The following HNF4G variants were observed in gnomAD, a reference collection of about 807,000 sequenced individuals.
HNF4G encodes the protein hepatocyte nuclear factor 4-gamma.
A neutral mutation model predicts 50.9 loss-of-function variants in HNF4G; 21 were observed. The observed-to-expected ratio is 0.41, with a 90% confidence interval of 0.29 to 0.59. The LOEUF is 0.59. Ranked by LOEUF, HNF4G falls within the 20% of genes least tolerant of loss-of-function variation. HNF4G has a pLI of 0.26. For missense variants in HNF4G, 527 were observed against 559.4 expected, an observed-to-expected ratio of 0.94 and a Z score of 0.58; for synonymous variants, 198 against 185.6, an observed-to-expected ratio of 1.07 and a Z score of -0.54.
At chr8:75,448,184 C>CA (rs1189134012) in intron 1 of HNF4G, among the ~76,000 whole-genome samples, 27 of 134,514 alleles carry the variant, frequency 2.0e-4, no homozygotes, top group African/African-American at 7.3e-4. Context: ...ATCGCAAGAA[C>CA]AAAAAACCAA....
intron 1 of HNF4G, among the ~76,000 whole-genome samples, chr8:75,439,929 T>A (rs1314676784): frequency 6.6e-6 from 1 of 152,116 alleles, no homozygotes; most frequent in Admixed American, 6.6e-5. Flanking sequence ...TCTATTGTCA[T>A]GAAAGCTCCT....
chr8:75,519,417 G>A (rs753292013), intron 2 of HNF4G, among the ~76,000 whole-genome samples: 2 of 152,132 alleles, frequency 1.3e-5, no homozygotes, highest in Non-Finnish European at 1.5e-5. Context: ...CTTTAAAGCA[G>A]CATCCCACTC....
chr8:75,525,457 C>T (rs7830737), intron 2 of HNF4G, among the ~76,000 whole-genome samples: 33 of 152,144 alleles, frequency 2.2e-4, no homozygotes, highest in East Asian at 9.7e-4. Flanking sequence ...CGTGAGCCAC[C>T]GCAACCGGCC....
At chr8:75,446,903 A>C (rs991401362) in intron 1 of HNF4G, among the ~76,000 whole-genome samples, 4 of 119,874 alleles carry the variant, frequency 3.3e-5, no homozygotes, top group African/African-American at 1.0e-4. Flanking sequence ...GCTACCAATG[A>C]CTTTCTTCAC....
intron 1 of HNF4G, among the ~76,000 whole-genome samples, chr8:75,474,759 G>A (rs766877578): frequency 4.6e-5 from 7 of 151,988 alleles, no homozygotes; most frequent in Middle Eastern, 3.4e-3. Context: ...GTGCAGTGGC[G>A]CGATCTTGGC....
chr8:75,410,596 CAT>C (rs1563495408), intron 1 of HNF4G, among the ~76,000 whole-genome samples: 2 of 152,108 alleles, frequency 1.3e-5, no homozygotes, highest in African/African-American at 2.4e-5. Context: ...AGATTGCAAA[CAT>C]GTGGACCATG....
At chr8:75,409,480 CTTTT>C (rs5892492) in intron 1 of HNF4G, among the ~76,000 whole-genome samples, 1 of 67,346 alleles carries the variant, frequency 1.5e-5, no homozygotes, top group Non-Finnish European at 2.6e-5. Flanking sequence ...GTGCCTTGTT[CTTTT>C]TTTTTTTTTT....
At chr8:75,412,214 G>C (rs531692487) in intron 1 of HNF4G, among the ~76,000 whole-genome samples, 4 of 152,192 alleles carry the variant, frequency 2.6e-5, no homozygotes, top group Admixed American at 2.6e-4. Flanking sequence ...CAGCTAAGCA[G>C]TGTAGAGAAA....
At chr8:75,563,535 C>A (rs1807377611) in intron 9 of HNF4G, among the ~76,000 whole-genome samples, 1 of 151,454 alleles carries the variant, frequency 6.6e-6, no homozygotes, top group Admixed American at 6.6e-5. Flanking sequence ...TCTAATATGT[C>A]TGAATTAGTG....
At chr8:75,449,679 T>C (rs966213308) in intron 1 of HNF4G, among the ~76,000 whole-genome samples, 2 of 151,746 alleles carry the variant, frequency 1.3e-5, no homozygotes, top group Non-Finnish European at 2.9e-5. Context: ...GCTAATTTTT[T>C]TGTATTTTTA....
At chr8:75,537,228 G>A (rs1052488708), upstream of HNF4G, among the ~76,000 whole-genome samples, 1 of 95,072 alleles carries the variant, frequency 1.1e-5, no homozygotes, top group East Asian at 2.4e-4. Context: ...GCATTAAAAG[G>A]CTTTTATTTT....
chr8:75,503,362 T>C (rs1362066554), intron 2 of HNF4G, among the ~76,000 whole-genome samples: 1 of 152,162 alleles, frequency 6.6e-6, no homozygotes, highest in Non-Finnish European at 1.5e-5. Context: ...AACACAGAGA[T>C]GTCACAGATT....
intron 1 of HNF4G, among the ~76,000 whole-genome samples, chr8:75,420,974 G>A (rs561921838): frequency 3.3e-5 from 5 of 152,290 alleles, no homozygotes; most frequent in African/African-American, 1.2e-4. Flanking sequence ...AGCAGTACTG[G>A]ACAATGAAAG....
intron 2 of HNF4G, among the ~76,000 whole-genome samples, chr8:75,519,034 G>A (rs532429704): frequency 1.3e-5 from 2 of 152,170 alleles, no homozygotes; most frequent in East Asian, 1.9e-4. Flanking sequence ...AAAGCTTTTA[G>A]CAATACCCAA....
At chr8:75,482,701 C>T (rs1456943850) in intron 1 of HNF4G, among the ~76,000 whole-genome samples, 4 of 152,070 alleles carry the variant, frequency 2.6e-5, no homozygotes, top group Non-Finnish European at 5.9e-5. Context: ...GGATACTTTC[C>T]TGATCGCCTT....
chr8:75,461,411 C>A (rs11774812), intron 1 of HNF4G, among the ~76,000 whole-genome samples: 10,802 of 152,146 alleles, frequency 0.071, 449 homozygotes, highest in African/African-American at 0.096. Context: ...CTTTTCTGAC[C>A]CTTCTTCCTC....
intron 2 of HNF4G, among the ~76,000 whole-genome samples, chr8:75,507,789 G>A (rs1585906046): frequency 1.3e-5 from 2 of 152,004 alleles, no homozygotes; most frequent in East Asian, 3.9e-4. Flanking sequence ...AAAGTACATG[G>A]TGTTTCAGAA....
intron 2 of HNF4G, among the ~76,000 whole-genome samples, chr8:75,520,890 C>A (rs1806022779): frequency 6.6e-6 from 1 of 151,770 alleles, no homozygotes; most frequent in South Asian, 2.1e-4. Context: ...TCACAAGTAA[C>A]CTAAAATTAA....
chr8:75,473,759 C>T lies in HNF4G; in HGVS notation c.-143-16330C>T, dbSNP rs527654417. On this transcript the variant is annotated intron_variant, in intron 1 of 10. Coordinates refer to the HNF4G transcript ENST00000354370. ...GGAACTGGGGGGAGTAGACAGAGAA[C>T]GATGCAAAAGAGGCAGCACAGGGTA... Among the ~76,000 whole-genome samples, 12 of 151,808 alleles carry T rather than the reference C, an allele frequency of 7.9e-5. No individual in the cohort carries two copies. The East Asian group carries it at 1.2e-3, about 15-fold the overall frequency.
Sources: gnomAD v4.1 joint callset for allele counts (sites outside exome capture counted in the v4.1 genomes callset) on GRCh38, gnomAD v4.1.1 for gene constraint, MANE v1.5 for transcripts, NCBI Gene and HGNC (gene_info 2026-07-23, HGNC 2026-07-21) for gene names.